VHL: variants seen among roughly 807,000 people sequenced by gnomAD.
VHL encodes von Hippel-Lindau tumor suppressor.
In VHL, 10 loss-of-function variants were observed where a neutral mutation model predicts 19.2. The ratio of observed to expected loss-of-function variants is 0.52; its 90% CI spans 0.32 to 0.89. The LOEUF (loss-of-function observed/expected upper bound fraction) is 0.89. Among genes scored for constraint, VHL ranks in the 40% least tolerant of loss-of-function variants. The pLI, the probability that VHL is intolerant of heterozygous loss-of-function variation, is 0.03. For synonymous variants in VHL, 167 were observed against 129.5 expected (o/e 1.29, Z -1.97); for missense variants, 328 against 292.7 (o/e 1.12, Z -0.88).
chr3:10,143,320 G>A (rs1319773674), intron 1 of VHL, among the ~76,000 whole-genome samples: 1 of 151,936 alleles, frequency 6.6e-6, no homozygotes, highest in Non-Finnish European at 1.5e-5. Flanking sequence ...TAGAGACGGG[G>A]GTTTCGTCAT....
In VHL at chr3:10,149,897, C is replaced by T. The variant is rs28940300; in HGVS notation, c.574C>T (p.Pro192Ser). ...RSLYEDLEDH[P>S]NVQKDLERLT... ...GCTCTACGAAGATCTGGAAGACCAC[C>T]CAAATGTGCAGAAAGACCTGGAGCG... Residue 192 changes from proline (P) to serine (S), a missense_variant, in exon 3 of 3, where the codon CCA becomes TCA. Coordinates refer to ENST00000256474, the MANE Select transcript of VHL (RefSeq NM_000551.4). 5.2e-5 allele frequency: 84 copies of T among 1,614,118 alleles called. No homozygotes were observed. The highest frequency in any genetic ancestry group is 6.9e-5 in the Non-Finnish European group (81 of 1,180,018).
In VHL at chr3:10,141,846, G is replaced by T. The variant is rs937566924; in HGVS notation, c.-2G>T. 3 of 1,535,852 alleles carry T rather than the reference G, an allele frequency of 2.0e-6. No individual in the cohort carries two copies. The highest frequency in any genetic ancestry group is 2.6e-6 in the Non-Finnish European group (3 of 1,140,344). ...GCCCGGGTGGTCTGGATCGCGGAGG[G>T]AATGCCCCGGAGGGCGGAGAACTGG... On this transcript the variant is annotated 5_prime_UTR_variant, in exon 1 of 3. Coordinates refer to ENST00000256474, the MANE Select transcript of VHL (RefSeq NM_000551.4).
intron 1 of VHL, 62 bp downstream of exon 1, chr3:10,142,249 A>G (rs1011912727): frequency 4.9e-5 from 76 of 1,539,952 alleles, no homozygotes; most frequent in Non-Finnish European, 6.3e-5. Flanking sequence ...AAGCCCCTCT[A>G]CCGCCCCGGG....
Position 10,153,572 on chromosome 3 carries a change from C to T in VHL, c.*3607C>T, listed in dbSNP as rs1696473037. ...TTGTGAATGTATTAAATATATCGCT[C>T]TTAAGAGACGGTGAAGTTCCTATTT... On this transcript the variant is annotated 3_prime_UTR_variant, in exon 3 of 3. Coordinates refer to ENST00000256474, the MANE Select transcript of VHL (RefSeq NM_000551.4). Among the ~76,000 whole-genome samples, 1 of 150,902 alleles carries T rather than the reference C, an allele frequency of 6.6e-6. No homozygotes were observed. Among genetic ancestry groups the T allele is most frequent in the Non-Finnish European group, 1.5e-5 (1 of 67,828 alleles).
rs990573611 is a variant in VHL, at chr3:10,153,456, AAAC to A, written c.*3493_*3495del. On this transcript the variant is annotated 3_prime_UTR_variant, in exon 3 of 3. Coordinates refer to ENST00000256474, the MANE Select transcript of VHL (RefSeq NM_000551.4). ...AAAAGAAACCAAAAAAACAAAAAAA[AAAC>A]ATGCCGTTTGAGTACTGTGTTTTTG... Among the ~76,000 whole-genome samples, 11 of 152,098 alleles carry A rather than the reference AAAC, an allele frequency of 7.2e-5. No homozygotes were observed. The highest frequency in any genetic ancestry group is 3.2e-3 in the Middle Eastern group (1 of 316).
rs71052299 is a variant in VHL, at chr3:10,152,481, C to CTTTTTT, written c.*2540_*2545dup. Among the ~76,000 whole-genome samples, 1 of 64,456 alleles carries CTTTTTT rather than the reference C, an allele frequency of 1.6e-5. No homozygotes were observed. The highest frequency in any genetic ancestry group is 2.7e-5 in the Non-Finnish European group (1 of 37,554). The allele number at this position is 64,456 out of a possible 152,430, so 42.3% of individuals were successfully genotyped here. On this transcript the variant is annotated 3_prime_UTR_variant, in exon 3 of 3. Transcript: ENST00000256474. ...CTCCTTTCAACATTCAACAAATAGT[C>CTTTTTT]TTTTTTTTTTTTTTTTTTTTTTTTT...
At chr3:10,148,946 T>C (rs1363030294) in intron 2 of VHL, among the ~76,000 whole-genome samples, 2 of 151,844 alleles carry the variant, frequency 1.3e-5, no homozygotes, top group Non-Finnish European at 2.9e-5. Context: ...GTGCTAGGAT[T>C]ACAGGCGTGA....
chr3:10,142,546 A>G (rs1304490951), intron 1 of VHL: 14 of 283,922 alleles, frequency 4.9e-5, no homozygotes, highest in South Asian at 4.8e-4. Flanking sequence ...GGGTTTCACC[A>G]TGTTGGTCAG....
In VHL at chr3:10,150,254, G is replaced by A; in HGVS notation, c.*289G>A. Reference sequence around the variant, plus strand: ...AGTCAGGACAGCTTGTATGTAAGGAGGTTTGTATAAGTAATTCAGTGGGAA... The same window carrying A: ...AGTCAGGACAGCTTGTATGTAAGGAAGTTTGTATAAGTAATTCAGTGGGAA... On this transcript the variant is annotated 3_prime_UTR_variant, in exon 3 of 3. Transcript: ENST00000256474. The A allele has an allele frequency of 7.6e-7, 1 of 1,319,472 alleles. No individual in the cohort carries two copies. The highest frequency in any genetic ancestry group is 3.2e-5 in the Admixed American group (1 of 31,246). The allele number at this position is 1,319,472 out of a possible 1,614,324, so 81.7% of individuals were successfully genotyped here.
At chr3:10,145,127 G>T (rs1311006032) in intron 1 of VHL, among the ~76,000 whole-genome samples, 2 of 152,146 alleles carry the variant, frequency 1.3e-5, no homozygotes, top group Non-Finnish European at 2.9e-5. Context: ...CTGGGAGGCG[G>T]AGGTGGCAGT....
rs866994372 is a variant in VHL, at chr3:10,150,417, G to A, written c.*452G>A. 1.5e-5 allele frequency: 17 copies of A among 1,145,948 alleles called. No individual in the cohort carries two copies. The Middle Eastern group carries it at 2.6e-3, about 174-fold the overall frequency. 71.0% of individuals were successfully genotyped at this position (1,145,948 alleles called of 1,614,324 possible). On this transcript the variant is annotated 3_prime_UTR_variant, in exon 3 of 3. Transcript: ENST00000256474. Reference sequence around the variant, plus strand: ...GAAGACTGAGGCATCCGTGAGGCAGGGACAAGTCTTTCTCCTCTTTGAGAC... The same window carrying A: ...GAAGACTGAGGCATCCGTGAGGCAGAGACAAGTCTTTCTCCTCTTTGAGAC...
At chr3:10,143,850 C>A (rs541153406) in intron 1 of VHL, among the ~76,000 whole-genome samples, 3 of 152,146 alleles carry the variant, frequency 2.0e-5, no homozygotes, top group African/African-American at 7.2e-5. Context: ...AGACTGCTGT[C>A]GAGGAAGCAG....
chr3:10,147,557 G>A (rs1319807659), intron 2 of VHL, among the ~76,000 whole-genome samples: 2 of 150,714 alleles, frequency 1.3e-5, no homozygotes, highest in Non-Finnish European at 2.9e-5. Context: ...TAGAGATGAG[G>A]TTTCACCATG....
chr3:10,150,376 C>T lies in VHL; in HGVS notation c.*411C>T, dbSNP rs186038065. 6 of 1,221,380 alleles carry T rather than the reference C, an allele frequency of 4.9e-6. No individual in the cohort carries two copies. The East Asian group carries it at 1.1e-4, about 23-fold the overall frequency. 75.7% of individuals were successfully genotyped at this position (1,221,380 alleles called of 1,614,324 possible). ...ACATCCGTAGCGGTTGGTGACTTGTCTGCCTCCTGCTTTGGGAAGACTGAG... is the reference window on the plus strand; with the variant it reads ...ACATCCGTAGCGGTTGGTGACTTGTTTGCCTCCTGCTTTGGGAAGACTGAG... On this transcript the variant is annotated 3_prime_UTR_variant, in exon 3 of 3. Transcript: ENST00000256474.
rs1340714778 is a variant in VHL at position 10,150,505 on chromosome 3, C to T, written c.*540C>T. 1.5e-5 allele frequency: 6 copies of T among 413,192 alleles called. No homozygotes were observed. The East Asian group carries it at 3.1e-4, about 21-fold the overall frequency. The allele number at this position is 413,192 out of a possible 1,614,324, so 25.6% of individuals were successfully genotyped here. A position where few individuals can be genotyped will look rare whatever the true frequency, so the allele number is the denominator to read the frequency against. ...TGTCAGAGGAACAAACCAGGGGACACTTTGTTAGAAAGTGCTTAGAGGTTC... is the reference window on the plus strand; with the variant it reads ...TGTCAGAGGAACAAACCAGGGGACATTTTGTTAGAAAGTGCTTAGAGGTTC... On this transcript the variant is annotated 3_prime_UTR_variant, in exon 3 of 3. Coordinates refer to ENST00000256474, the MANE Select transcript of VHL (RefSeq NM_000551.4).
rs587780992 is a variant in VHL at position 10,141,813 on chromosome 3, G to A, written c.-35G>A. On this transcript the variant is annotated 5_prime_UTR_variant, in exon 1 of 3. Transcript: ENST00000256474. ...CCCGCGTCCGACCCGCGGATCCCGC[G>A]GCGTCCGGCCCGGGTGGTCTGGATC... 16 of 1,536,338 alleles carry A rather than the reference G, an allele frequency of 1.0e-5. No individual in the cohort carries two copies. The highest frequency in any genetic ancestry group is 1.4e-5 in the Non-Finnish European group (16 of 1,140,814).
Position 10,142,048 on chromosome 3 carries a change from C to T in VHL, c.201C>T (p.Asn67=), listed in dbSNP as rs769658318. 1.2e-6 allele frequency: 2 copies of T among 1,604,748 alleles called. No individual in the cohort carries two copies. The highest frequency in any genetic ancestry group is 2.7e-5 in the African/African-American group (2 of 74,948). ...CGCGGCCCGTGCTGCGCTCGGTGAA[C>T]TCGCGCGAGCCCTCCCAGGTCATCT... ...GRPRPVLRSV[N]SREPSQVIFC... Residue 67 remains asparagine (N), a synonymous_variant, in exon 1 of 3, where the codon AAC becomes AAT. Coordinates refer to ENST00000256474, the MANE Select transcript of VHL (RefSeq NM_000551.4).
intron 1 of VHL, among the ~76,000 whole-genome samples, chr3:10,144,141 C>T (rs767933516): frequency 6.6e-6 from 1 of 152,012 alleles, no homozygotes; most frequent in Non-Finnish European, 1.5e-5. Flanking sequence ...TTGTATTTTA[C>T]TCCAAAATTT....
chr3:10,149,413 A>G (rs969846698), intron 2 of VHL, among the ~76,000 whole-genome samples: 2 of 152,130 alleles, frequency 1.3e-5, no homozygotes, highest in African/African-American at 4.8e-5. Flanking sequence ...ATGCCTGGCC[A>G]GGGCCTGTTC....
Sources: gnomAD v4.1 joint callset for allele counts (sites outside exome capture counted in the v4.1 genomes callset) on GRCh38, gnomAD v4.1.1 for gene constraint, MANE v1.5 for transcripts, NCBI Gene and HGNC (gene_info 2026-07-23, HGNC 2026-07-21) for gene names.